EPG5: variants seen among roughly 807,000 people sequenced by gnomAD.
EPG5 encodes ectopic P granules protein 5 homolog.
Under a neutral mutation model 302.7 loss-of-function variants are expected in EPG5, and 159 were observed. The ratio of observed to expected loss-of-function variants is 0.53; its 90% CI spans 0.46 to 0.60. The LOEUF is 0.60. EPG5 is among the 20% of genes least tolerant of loss of function. The probability of loss-of-function intolerance (pLI) is 0.00; values close to 1 mark genes in which losing one functional copy is unlikely to be tolerated. For missense variants in EPG5, 2,896 were observed against 3,092.4 expected (o/e 0.94, Z 1.51); for synonymous variants, 1,158 against 1,136.8 (o/e 1.02, Z -0.37).
intron 20 of EPG5, 131 bp downstream of exon 20, chr18:45,915,380 A>G (rs1309505355): frequency 3.0e-6 from 2 of 672,662 alleles, no homozygotes; most frequent in East Asian, 5.5e-5. Context: ...AGATTAAATG[A>G]AAAAGTATAC....
At chr18:45,841,314 G>A in the EPG5 span, among the ~76,000 whole-genome samples, 3 of 152,148 alleles carry the variant, frequency 2.0e-5, no homozygotes, top group African/African-American at 7.2e-5. Flanking sequence ...GTAAGACAGG[G>A]ACAGTAGGGG....
intron 30 of EPG5, among the ~76,000 whole-genome samples, chr18:45,883,803 T>C (rs895341305): frequency 1.3e-5 from 2 of 150,936 alleles, no homozygotes; most frequent in Non-Finnish European, 2.9e-5. Flanking sequence ...GAAATACAAG[T>C]GAAGGCAAAG....
Position 45,946,785 on chromosome 18 carries a change from A to G in EPG5, c.1572-17T>C, listed in dbSNP as rs1472321646. On this transcript the variant is annotated splice_polypyrimidine_tract_variant and intron_variant, in intron 6 of 43. Transcript: ENST00000282041. ...GCTCGATTTCTAAAGGACAAGAATA[A>G]TCACTCCCATCACTTAGATGTAGGC... 1 of 1,597,762 alleles carries G rather than the reference A, an allele frequency of 6.3e-7. No individual in the cohort carries two copies. Among genetic ancestry groups the G allele is most frequent in the South Asian group, 1.1e-5 (1 of 90,766 alleles).
rs59422275 is a variant in EPG5 at position 45,954,858 on chromosome 18, T to C, written c.544A>G (p.Lys182Glu). 138,321 of 1,614,110 alleles carry C rather than the reference T, an allele frequency of 0.086. 7,085 individuals carry two copies. The highest frequency in any genetic ancestry group is 0.22 in the African/African-American group (16,416 of 75,016). The change falls in exon 2 of 44, where the codon AAA (lysine) becomes GAA (glutamate). Residue 182 changes from lysine to glutamate, a missense_variant. By Grantham distance (56) the Lys-to-Glu change is moderately conservative (BLOSUM62 1). Coordinates refer to ENST00000282041, the MANE Select transcript of EPG5 (RefSeq NM_020964.3). ...TCTGAAGAACAAACCAGGCCTTGTT[T>C]GTCTTCTTTACTATTCTGAGTTTCT... ...VRETQNSKEDKQGLVCSSEVP... is the reference protein window; with the variant it reads ...VRETQNSKEDEQGLVCSSEVP...
chr18:45,925,995 A>T (rs2050260109), intron 13 of EPG5, 93 bp from the exon 14 acceptor site: 3 of 852,374 alleles, frequency 3.5e-6, no homozygotes, highest in Non-Finnish European at 4.8e-6. Context: ...TTGTAAAAAA[A>T]TTTCTCCAAA....
intron 23 of EPG5, 25 bp from the exon 24 acceptor site, chr18:45,908,106 C>G: frequency 2.0e-6 from 3 of 1,466,568 alleles, no homozygotes; most frequent in Non-Finnish European, 2.8e-6. Flanking sequence ...CATAATTATA[C>G]GAAACATAAA....
Position 45,849,810 on chromosome 18 carries a change from G to A in EPG5, c.*2657C>T, listed in dbSNP as rs2048401654. 1 of 152,312 alleles carries A rather than the reference G, an allele frequency of 6.6e-6. No homozygotes were observed. The highest frequency in any genetic ancestry group is 2.1e-4 in the South Asian group (1 of 4,828). 9.4% of individuals were successfully genotyped at this position (152,312 alleles called of 1,614,324 possible). A position where few individuals can be genotyped will look rare whatever the true frequency, so the allele number is the denominator to read the frequency against. Reference sequence around the variant, plus strand: ...ACGCCTTGGAGCTGAGGTCCCGAGTGTGCAGGAAGGAGCTTTGGAAACATG... The same window carrying A: ...ACGCCTTGGAGCTGAGGTCCCGAGTATGCAGGAAGGAGCTTTGGAAACATG... On this transcript the variant is annotated 3_prime_UTR_variant, in exon 44 of 44. Transcript: ENST00000282041.
At chr18:45,902,147 T>C (rs901045532) in intron 25 of EPG5, among the ~76,000 whole-genome samples, 9 of 152,230 alleles carry the variant, frequency 5.9e-5, no homozygotes, top group Non-Finnish European at 1.2e-4. Flanking sequence ...TAACATTCCA[T>C]TTTCTATTCT....
rs193157512 is a variant in EPG5, at chr18:45,963,442, G to A, written c.63+3735C>T. Reference sequence around the variant, plus strand: ...ATCCGAGGCCAGGAGTTTGAGAAGAGCCTGGCCAACGTGGTGAAACTCCGT... The same window carrying A: ...ATCCGAGGCCAGGAGTTTGAGAAGAACCTGGCCAACGTGGTGAAACTCCGT... On this transcript the variant is annotated intron_variant, in intron 1 of 43. Transcript: ENST00000282041. Among the ~76,000 whole-genome samples, 591 of 152,270 alleles carry A rather than the reference G, an allele frequency of 3.9e-3. 3 individuals are homozygous for A. Among genetic ancestry groups the A allele is most frequent in the Non-Finnish European group, 5.7e-3 (388 of 68,018 alleles).
At chr18:45,817,316 CTCTT>C in the EPG5 span, among the ~76,000 whole-genome samples, 2 of 152,176 alleles carry the variant, frequency 1.3e-5, no homozygotes, top group African/African-American at 4.8e-5. Flanking sequence ...AAAAATGTCT[CTCTT>C]TCCTTTTTTA....
chr18:45,876,588 T>C lies in EPG5; in HGVS notation c.5943-246A>G, dbSNP rs73953905. Among the ~76,000 whole-genome samples the C allele has an allele frequency of 0.024, 3,651 of 152,258 alleles. 155 individuals are homozygous for C. Among genetic ancestry groups the C allele is most frequent in the African/African-American group, 0.083 (3,463 of 41,534 alleles). Reference sequence around the variant, plus strand: ...GCAATTAGATTTCAAAAATGTGCTATCTAAATAACCCTTAAATTAACATCT... The same window carrying C: ...GCAATTAGATTTCAAAAATGTGCTACCTAAATAACCCTTAAATTAACATCT... On this transcript the variant is annotated intron_variant, in intron 34 of 43. Transcript: ENST00000282041.
rs752936373 is a variant in EPG5, at chr18:45,967,205, T to G, written c.35A>C (p.Lys12Thr). 6.2e-7 allele frequency: 1 copy of G among 1,605,934 alleles called. No homozygotes were observed. The highest frequency in any genetic ancestry group is 8.5e-7 in the Non-Finnish European group (1 of 1,176,422). ...AEAVKPQRRA[K>T]AKASRTKTKE... ...TGTTTTAGTCCGGCTGGCCTTGGCC[T>G]TGGCCCGGCGCTGGGGCTTCACCGC... The change falls in exon 1 of 44, where the codon AAG (lysine) becomes ACG (threonine). Residue 12 changes from lysine (K) to threonine (T), a missense_variant. Transcript: ENST00000282041.
At position 45,952,566 on chromosome 18, in the gene EPG5, C is replaced by T. The variant is rs2050935792; in HGVS notation, c.1086G>A (p.Val362=). Reference sequence around the variant, plus strand: ...TGGCATCGAATAGCTTCTTTAGCTCCACCAGTGCATTTTCATTCATTTCTA... The same window carrying T: ...TGGCATCGAATAGCTTCTTTAGCTCTACCAGTGCATTTTCATTCATTTCTA... ...QRVEMNENAL[V]ELKKLFDAKS... Residue 362 remains valine (V), a synonymous_variant, in exon 3 of 44, where the codon GTG becomes GTA. Transcript: ENST00000282041. The T allele has an allele frequency of 1.2e-6, 2 of 1,614,140 alleles. No homozygotes were observed. Among genetic ancestry groups the T allele is most frequent in the Non-Finnish European group, 1.7e-6 (2 of 1,180,030 alleles).
intron 30 of EPG5, among the ~76,000 whole-genome samples, chr18:45,882,708 TAAG>T (rs1256091666): frequency 6.6e-6 from 1 of 151,836 alleles, no homozygotes; most frequent in African/African-American, 2.4e-5. Flanking sequence ...TAAAAGAATA[TAAG>T]AAGTTCACTA....
chr18:45,916,611 A>G, intron 17 of EPG5, 29 bp from the exon 18 acceptor site: 1 of 1,570,346 alleles, frequency 6.4e-7, no homozygotes, highest in Non-Finnish European at 8.7e-7. Flanking sequence ...GACGCACTTT[A>G]CCTTCCGATC....
chr18:45,879,505 C>CT (rs1281499029), intron 32 of EPG5, among the ~76,000 whole-genome samples: 1 of 152,076 alleles, frequency 6.6e-6, no homozygotes, highest in African/African-American at 2.4e-5. Flanking sequence ...GTAGCTGGGA[C>CT]TACAGGCGTG....
chr18:45,934,004 T>C (rs1296679203), intron 11 of EPG5, among the ~76,000 whole-genome samples: 1 of 152,078 alleles, frequency 6.6e-6, no homozygotes, highest in East Asian at 1.9e-4. Flanking sequence ...TAAGTAAATA[T>C]CCTGGCCAGG....
intron 1 of EPG5, 45 bp downstream of exon 1, chr18:45,967,130 GAC>G: frequency 6.5e-7 from 1 of 1,545,100 alleles, no homozygotes; most frequent in Non-Finnish European, 8.8e-7. Flanking sequence ...GGAGCAAGGA[GAC>G]ACAGCACACT....
chr18:45,837,113 A>G, the EPG5 span: 1 of 1,612,112 alleles, frequency 6.2e-7, no homozygotes, highest in Non-Finnish European at 8.5e-7. Flanking sequence ...TATTATCACC[A>G]TCTCGGGGAT....
Sources: gnomAD v4.1 joint callset for allele counts (sites outside exome capture counted in the v4.1 genomes callset) on GRCh38, gnomAD v4.1.1 for gene constraint, MANE v1.5 for transcripts, NCBI Gene and HGNC (gene_info 2026-07-23, HGNC 2026-07-21) for gene names.